CCDC14: variants seen among roughly 807,000 people sequenced by gnomAD.
The protein encoded by CCDC14 is coiled-coil domain-containing protein 14.
Under a neutral mutation model 81.4 loss-of-function variants are expected in CCDC14, and 71 were observed. The ratio of observed to expected loss-of-function variants is 0.87; its 90% CI spans 0.72 to 1.06. The LOEUF (loss-of-function observed/expected upper bound fraction) is 1.06, where lower values mean the gene tolerates loss of function less well. Among genes scored for constraint, CCDC14 ranks in the 50% least tolerant of loss-of-function variants. The pLI, the probability that CCDC14 is intolerant of heterozygous loss-of-function variation, is 0.00. For synonymous variants in CCDC14, 332 were observed against 364.8 expected (o/e 0.91, Z 1.03); for missense variants, 1,046 against 1,047.3 (o/e 1.00, Z 0.02).
chr3:123,946,611 C>T (rs1406075868), intron 8 of CCDC14, among the ~76,000 whole-genome samples, 192 bp downstream of exon 8: 9 of 152,024 alleles, frequency 5.9e-5, no homozygotes, highest in Non-Finnish European at 1.2e-4. Flanking sequence ...CATTCTCAAA[C>T]GCATTTTAAA....
At position 123,915,354 on chromosome 3, in the gene CCDC14, C is replaced by T; in HGVS notation, c.2143G>A (p.Glu715Lys). The T allele has an allele frequency of 1.2e-6, 2 of 1,613,820 alleles. No individual in the cohort carries two copies. Among genetic ancestry groups the T allele is most frequent in the Non-Finnish European group, 1.7e-6 (2 of 1,179,836 alleles). ...TCATCTTCTATTAAAGCCATAGTTT[C>T]ACTCCCTTCATCAGAATCCTGTTTT... The part of the protein sequence containing the change: ...LSKQDSDEGS[E>K]TMALIEDEHN... The change falls in exon 13 of 13, where the codon GAA (glutamate) becomes AAA (lysine). Residue 715 changes from glutamate to lysine, a missense_variant. Transcript: ENST00000409697.
At chr3:123,899,174 C>T (rs924695758) in intron 5 of CCDC14, among the ~76,000 whole-genome samples, 2 of 152,236 alleles carry the variant, frequency 1.3e-5, no homozygotes, top group East Asian at 1.9e-4. Context: ...ATTGTTTAAT[C>T]GGTTTAGCTT....
At chr3:123,929,364 G>A (rs2035572110) in intron 12 of CCDC14, among the ~76,000 whole-genome samples, 2 of 152,006 alleles carry the variant, frequency 1.3e-5, no homozygotes, top group Admixed American at 1.3e-4. Flanking sequence ...ACGTTGGAAT[G>A]CAGTGGCATG....
Position 123,956,753 on chromosome 3 carries a change from T to C in CCDC14, c.73A>G (p.Asn25Asp). The C allele has an allele frequency of 1.9e-6, 3 of 1,547,938 alleles. No individual in the cohort carries two copies. The highest frequency in any genetic ancestry group is 2.6e-6 in the Non-Finnish European group (3 of 1,144,248). ...GRHTGPAKLT[N>D]GKKATYLRKI... ...TCAAGTACTTACGCTTTCTTTCCAT[T>C]TGTTAATTTAGCAGGTCCAGTGTGC... Residue 25 changes from asparagine (N) to aspartate (D), a missense_variant, in exon 2 of 13, where the codon AAT becomes GAT. By Grantham distance (23) the Asn-to-Asp change is conservative. Transcript: ENST00000409697.
In CCDC14 at chr3:123,946,879, A is replaced by G; in HGVS notation, c.1125T>C (p.Asn375=). The part of the protein sequence containing the change: ...KTVKDVQKAK[N]VNKTAEKVRI... ...TAACTTTTTCAGCTGTCTTGTTCAC[A>G]TTTTTTGCCTTCTGTACATCCTTCA... Residue 375 remains asparagine, a synonymous_variant, in exon 8 of 13, where the codon AAT becomes AAC. Transcript: ENST00000409697. The G allele has an allele frequency of 1.2e-6, 2 of 1,613,858 alleles. No homozygotes were observed. The highest frequency in any genetic ancestry group is 8.5e-7 in the Non-Finnish European group (1 of 1,179,854).
intron 10 of CCDC14, among the ~76,000 whole-genome samples, chr3:123,933,124 AC>A (rs1260547823): frequency 2.3e-4 from 32 of 140,402 alleles, no homozygotes; most frequent in African/African-American, 4.3e-4. Context: ...AAACAAACAA[AC>A]AAACAAAGCT....
chr3:123,957,421 C>T (rs552293283), intron 1 of CCDC14: 7 of 152,176 alleles, frequency 4.6e-5, no homozygotes, highest in African/African-American at 1.7e-4. Context: ...TGATATAGGA[C>T]AGAGTTCTTA....
chr3:123,937,686 A>AT (rs937692645), intron 9 of CCDC14, among the ~76,000 whole-genome samples: 1 of 151,546 alleles, frequency 6.6e-6, no homozygotes, highest in Non-Finnish European at 1.5e-5. Flanking sequence ...CACTTTACTC[A>AT]TTTTTTTCTA....
In CCDC14 at chr3:123,915,126, C is replaced by T. The variant is rs372661564; in HGVS notation, c.2371G>A (p.Glu791Lys). 2 of 1,613,892 alleles carry T rather than the reference C, an allele frequency of 1.2e-6. No homozygotes were observed. The highest frequency in any genetic ancestry group is 1.7e-6 in the Non-Finnish European group (2 of 1,179,814). The change falls in exon 13 of 13, where the codon GAA becomes AAA. Residue 791 changes from glutamate to lysine, a missense_variant. Physicochemically the swap from Glu to Lys is moderately conservative, Grantham distance 56. Coordinates refer to ENST00000409697, the MANE Select transcript of CCDC14 (RefSeq NM_001366335.1). ...VICSSSTKEA[E>K]DAPEKLSRAS... ...CTGGAAAGTTTTTCAGGTGCATCTT[C>T]TGCTTCCTTTGTTGAAGAGGAACAG...
At chr3:123,893,211 G>A (rs946446697), downstream of CCDC14, among the ~76,000 whole-genome samples, 6 of 152,104 alleles carry the variant, frequency 3.9e-5, no homozygotes, top group African/African-American at 1.4e-4. Context: ...CAGAAACTTT[G>A]TACACATTAA....
At chr3:123,885,382 C>G in the CCDC14 span, among the ~76,000 whole-genome samples, 12 of 152,070 alleles carry the variant, frequency 7.9e-5, no homozygotes, top group African/African-American at 2.9e-4. Context: ...TCCCTCCTCC[C>G]AAAAGTAACC....
At chr3:123,885,940 T>A in the CCDC14 span, among the ~76,000 whole-genome samples, 20,825 of 151,948 alleles carry the variant, frequency 0.14, 2,449 homozygotes, top group East Asian at 0.36. Context: ...CTGCTTTTTT[T>A]TAAAAAAATT....
At chr3:123,905,023 A>G (rs1577202809) in intron 5 of CCDC14, among the ~76,000 whole-genome samples, 1 of 152,314 alleles carries the variant, frequency 6.6e-6, no homozygotes, top group East Asian at 1.9e-4. Context: ...GAGAGAGAGA[A>G]TAAACAGACC....
intron 12 of CCDC14, among the ~76,000 whole-genome samples, chr3:123,917,758 C>G (rs1257987289): frequency 6.6e-6 from 1 of 151,792 alleles, no homozygotes; most frequent in East Asian, 1.9e-4. Context: ...AGTGGTATAA[C>G]TCTTCTGGAG....
intron 5 of CCDC14, among the ~76,000 whole-genome samples, chr3:123,904,645 G>A (rs2034264473): frequency 6.7e-6 from 1 of 148,770 alleles, no homozygotes; most frequent in East Asian, 1.9e-4. Context: ...ACCCTGGGAT[G>A]TGCAACTGTA....
At chr3:123,909,679 T>G (rs1401656610), downstream of CCDC14, among the ~76,000 whole-genome samples, 1 of 152,200 alleles carries the variant, frequency 6.6e-6, no homozygotes, top group African/African-American at 2.4e-5. Context: ...CCACTTAGTG[T>G]TTGTAGTTTG....
Position 123,961,145 on chromosome 3 carries a change from T to C in CCDC14, c.29A>G (p.Gln10Arg), listed in dbSNP as rs199954557. ...ACTCCTCAGGTCCTCAGCCCTCACCTGGCCCGGTCGAGCTCCAGACCTGAC... is the reference window on the plus strand; with the variant it reads ...ACTCCTCAGGTCCTCAGCCCTCACCCGGCCCGGTCGAGCTCCAGACCTGAC... MVRSGARPG[Q>R]VLSSGRHTGP... Residue 10 changes from glutamine to arginine, a missense_variant and splice_region_variant, in exon 1 of 13, where the codon CAG (glutamine) becomes CGG (arginine). Coordinates refer to ENST00000409697, the MANE Select transcript of CCDC14 (RefSeq NM_001366335.1). The C allele has an allele frequency of 7.4e-4, 1,153 of 1,551,376 alleles. 14 individuals are homozygous for C. In the South Asian group the frequency reaches 9.3e-3, roughly 12 times the overall value.
the CCDC14 span, among the ~76,000 whole-genome samples, chr3:123,889,564 C>A: frequency 0.14 from 20,954 of 152,268 alleles, 2,497 homozygotes; most frequent in East Asian, 0.36. Flanking sequence ...TGCAAGGATG[C>A]TCTTCCAAGT....
At chr3:123,897,885 A>AGGG (rs1482953229) in intron 5 of CCDC14, among the ~76,000 whole-genome samples, 1 of 152,226 alleles carries the variant, frequency 6.6e-6, no homozygotes, top group Non-Finnish European at 1.5e-5. Flanking sequence ...GCACATGCAA[A>AGGG]TCATGGCTGA....
Sources: gnomAD v4.1 joint callset for allele counts (sites outside exome capture counted in the v4.1 genomes callset) on GRCh38, gnomAD v4.1.1 for gene constraint, MANE v1.5 for transcripts, NCBI Gene and HGNC (gene_info 2026-07-23, HGNC 2026-07-21) for gene names.